STARD13: variants seen among roughly 807,000 people sequenced by gnomAD.
The protein encoded by STARD13 is stAR-related lipid transfer protein 13.
A neutral mutation model predicts 106.4 loss-of-function variants in STARD13; 62 were observed. The observed-to-expected ratio is 0.58, with a 90% CI of 0.48 to 0.72. The LOEUF is 0.72. STARD13 is among the 30% of genes least tolerant of loss of function. STARD13 has a pLI of 0.00. For missense variants in STARD13, 1,387 were observed against 1,424.0 expected (o/e 0.97, Z 0.42); for synonymous variants, 565 against 553.0 (o/e 1.02, Z -0.31).
chr13:33,504,848 T>C, the STARD13 span, among the ~76,000 whole-genome samples: 1 of 152,186 alleles, frequency 6.6e-6, no homozygotes, highest in Non-Finnish European at 1.5e-5. Context: ...CTGCCTCATA[T>C]CTTCTTATAA....
the STARD13 span, among the ~76,000 whole-genome samples, chr13:33,499,597 C>CTTTT: frequency 3.4e-5 from 2 of 59,462 alleles, no homozygotes; most frequent in African/African-American, 6.6e-5. Flanking sequence ...TCTTCTTCTT[C>CTTTT]TTCTTCTTTC....
At chr13:33,462,236 C>T in the STARD13 span, among the ~76,000 whole-genome samples, 21 of 152,280 alleles carry the variant, frequency 1.4e-4, no homozygotes, top group South Asian at 3.7e-3. Context: ...TGTTTGAATC[C>T]TCCCACTGCC....
the STARD13 span, among the ~76,000 whole-genome samples, chr13:33,484,951 C>T: frequency 6.6e-6 from 1 of 152,148 alleles, no homozygotes; most frequent in South Asian, 2.1e-4. Flanking sequence ...ACACTTCATC[C>T]AACCATTCAT....
intron 7 of STARD13, 149 bp from the exon 8 acceptor site, chr13:33,118,412 A>C: frequency 1.5e-6 from 1 of 664,900 alleles, no homozygotes; most frequent in South Asian, 1.8e-5. Context: ...GCAGTACCCG[A>C]ACACTGTCTT....
intron 1 of STARD13, among the ~76,000 whole-genome samples, chr13:33,247,636 T>A (rs956990085): frequency 6.6e-6 from 1 of 152,196 alleles, no homozygotes; most frequent in Non-Finnish European, 1.5e-5. Flanking sequence ...ATCAAATATA[T>A]TACATATCTA....
At chr13:33,261,571 A>G (rs1890642658) in intron 1 of STARD13, among the ~76,000 whole-genome samples, 1 of 152,190 alleles carries the variant, frequency 6.6e-6, no homozygotes, top group African/African-American at 2.4e-5. Flanking sequence ...ATAAGCCTCA[A>G]CTAGATAACA....
chr13:33,542,321 A>G, the STARD13 span, among the ~76,000 whole-genome samples: 2 of 152,202 alleles, frequency 1.3e-5, no homozygotes, highest in African/African-American at 4.8e-5. Context: ...TTGGATCGCT[A>G]AGGACTAAGA....
the STARD13 span, among the ~76,000 whole-genome samples, chr13:33,616,514 C>T: frequency 2.0e-5 from 3 of 152,312 alleles, no homozygotes; most frequent in Non-Finnish European, 4.4e-5. Flanking sequence ...TATCCTTCTA[C>T]CCATCCATGT....
intron 1 of STARD13, among the ~76,000 whole-genome samples, chr13:33,337,209 A>G (rs2077906881): frequency 6.6e-6 from 1 of 152,212 alleles, no homozygotes; most frequent in South Asian, 2.1e-4. Flanking sequence ...GATAGGCTTT[A>G]TTACTACCTC....
chr13:33,284,647 A>C (rs1296959744), intron 1 of STARD13, among the ~76,000 whole-genome samples: 1 of 151,724 alleles, frequency 6.6e-6, no homozygotes, highest in African/African-American at 2.4e-5. Context: ...AACTGACTGT[A>C]AACGTGTGTG....
chr13:33,125,568 T>C (rs1432309787), intron 7 of STARD13, among the ~76,000 whole-genome samples: 3 of 152,210 alleles, frequency 2.0e-5, no homozygotes, highest in Non-Finnish European at 4.4e-5. Flanking sequence ...CTGATACTTT[T>C]GTTCATATTT....
At chr13:33,227,194 A>C (rs1566085656) in intron 1 of STARD13, among the ~76,000 whole-genome samples, 3 of 152,190 alleles carry the variant, frequency 2.0e-5, no homozygotes, top group South Asian at 2.1e-4. Context: ...GTAACATCAG[A>C]TCTCTAGCCA....
the STARD13 span, among the ~76,000 whole-genome samples, chr13:33,625,553 A>G: frequency 6.6e-6 from 1 of 150,864 alleles, no homozygotes; most frequent in African/African-American, 2.5e-5. Flanking sequence ...CTGGCGACAG[A>G]GCGAGACTGT....
chr13:33,552,149 A>G, the STARD13 span, among the ~76,000 whole-genome samples: 1 of 152,320 alleles, frequency 6.6e-6, no homozygotes, highest in South Asian at 2.1e-4. Context: ...GGAGCAATAA[A>G]TCACAGAACT....
the STARD13 span, among the ~76,000 whole-genome samples, chr13:33,414,732 A>G: frequency 7.2e-5 from 11 of 152,162 alleles, no homozygotes; most frequent in African/African-American, 1.9e-4. Context: ...GACTGTGTCA[A>G]TGTCGATATC....
the STARD13 span, among the ~76,000 whole-genome samples, chr13:33,507,175 C>T: frequency 6.6e-6 from 1 of 152,128 alleles, no homozygotes; most frequent in South Asian, 2.1e-4. Flanking sequence ...CCAAAACAAA[C>T]AACATAGTTA....
At chr13:33,220,303 CTAAT>C (rs1244559780) in intron 1 of STARD13, among the ~76,000 whole-genome samples, 4 of 152,114 alleles carry the variant, frequency 2.6e-5, no homozygotes, top group Admixed American at 6.5e-5. Flanking sequence ...GGAAATAACT[CTAAT>C]TATTTATTAT....
the STARD13 span, among the ~76,000 whole-genome samples, chr13:33,505,479 G>T: frequency 2.0e-5 from 3 of 151,512 alleles, no homozygotes; most frequent in Non-Finnish European, 4.4e-5. Context: ...AATTATATAT[G>T]GTTTTGCACA....
chr13:33,263,772 A>T (rs1890758952), intron 1 of STARD13, among the ~76,000 whole-genome samples: 1 of 152,232 alleles, frequency 6.6e-6, no homozygotes, highest in East Asian at 1.9e-4. Context: ...CAAATGAATC[A>T]GTTAGGTGCC....
Sources: gnomAD v4.1 joint callset for allele counts (sites outside exome capture counted in the v4.1 genomes callset) on GRCh38, gnomAD v4.1.1 for gene constraint, MANE v1.5 for transcripts, NCBI Gene and HGNC (gene_info 2026-07-23, HGNC 2026-07-21) for gene names.